Variants in HHLA2 observed in about 807,000 individuals in gnomAD.
HHLA2 encodes HHLA2 member of B7 family, also known as HERV-H LTR-associating protein 2.
HHLA2 carries 48 observed loss-of-function variants against 45.9 expected under a neutral mutation model. That is an observed-to-expected ratio of 1.05 (90% CI 0.83 to 1.33). The LOEUF (loss-of-function observed/expected upper bound fraction) is 1.33. Ranked by LOEUF, HHLA2 falls within the 40% of genes most tolerant of loss-of-function variation. HHLA2 has a pLI of 0.00. For synonymous variants in HHLA2, 161 were observed against 173.9 expected (o/e 0.93, Z 0.59); for missense variants, 462 against 494.3 (o/e 0.93, Z 0.62).
At chr3:108,351,717 T>A in intron 3 of HHLA2, 71 bp from the exon 3 acceptor site, 2 of 865,822 alleles carry the variant, frequency 2.3e-6, no homozygotes, top group Non-Finnish European at 3.7e-6. Context: ...TTTGTATGAA[T>A]GTACCACTCT....
At chr3:108,322,548 C>T (rs1184775806) in intron 2 of HHLA2, among the ~76,000 whole-genome samples, 5 of 152,166 alleles carry the variant, frequency 3.3e-5, no homozygotes, top group African/African-American at 1.2e-4. Flanking sequence ...GCTGGTGCTG[C>T]CCCCTGGACA....
At chr3:108,313,407 A>T (rs1190237811) in intron 2 of HHLA2, among the ~76,000 whole-genome samples, 2 of 152,162 alleles carry the variant, frequency 1.3e-5, no homozygotes, top group Admixed American at 6.6e-5. Context: ...GAACATTAGT[A>T]AATATGTTTC....
intron 3 of HHLA2, among the ~76,000 whole-genome samples, chr3:108,345,256 G>T (rs1224374320): frequency 2.0e-5 from 3 of 152,310 alleles, no homozygotes; most frequent in Non-Finnish European, 4.4e-5. Flanking sequence ...CACTGGGGCA[G>T]GGAGTTGCAA....
chr3:108,374,034 C>A (rs1251519789), intron 8 of HHLA2, among the ~76,000 whole-genome samples: 4 of 150,414 alleles, frequency 2.7e-5, no homozygotes, highest in African/African-American at 9.7e-5. Context: ...AATCCTAAGC[C>A]AAAAGAACAA....
intron 3 of HHLA2, among the ~76,000 whole-genome samples, chr3:108,337,295 G>A (rs962365363): frequency 1.3e-5 from 2 of 152,112 alleles, no homozygotes; most frequent in Middle Eastern, 3.2e-3. Flanking sequence ...GTCCATGACA[G>A]ATTAGAAACA....
At chr3:108,358,435 G>A (rs748290068) in intron 7 of HHLA2, among the ~76,000 whole-genome samples, 12 of 152,094 alleles carry the variant, frequency 7.9e-5, no homozygotes, top group African/African-American at 1.4e-4. Context: ...GACTCCATGC[G>A]CTGAGCATCT....
chr3:108,348,614 A>C (rs781124340), intron 3 of HHLA2, among the ~76,000 whole-genome samples: 29 of 151,810 alleles, frequency 1.9e-4, no homozygotes, highest in Non-Finnish European at 3.5e-4. Flanking sequence ...CTGATGATGT[A>C]GTAGAAAGGA....
At chr3:108,357,762 T>C in intron 6 of HHLA2, 82 bp from the exon 6 acceptor site, 1 of 1,163,080 alleles carries the variant, frequency 8.6e-7, no homozygotes, top group Admixed American at 2.3e-5. Flanking sequence ...GTGCCTTTGT[T>C]CTCTGCTTTC....
intron 3 of HHLA2, among the ~76,000 whole-genome samples, chr3:108,346,800 A>C (rs1283188610): frequency 6.6e-6 from 1 of 152,234 alleles, no homozygotes; most frequent in Admixed American, 6.5e-5. Context: ...TGTTTGCATC[A>C]TCATGTCACA....
chr3:108,360,418 A>G (rs76085763), intron 7 of HHLA2, among the ~76,000 whole-genome samples: 2,143 of 152,308 alleles, frequency 0.014, 60 homozygotes, highest in African/African-American at 0.049. Context: ...ATGATTTTTC[A>G]TAAGTCAAGG....
chr3:108,346,481 G>A (rs1183190234), intron 3 of HHLA2, among the ~76,000 whole-genome samples: 1 of 152,156 alleles, frequency 6.6e-6, no homozygotes, highest in South Asian at 2.1e-4. Context: ...CAATGCAGAG[G>A]AGAATGTAGC....
intron 9 of HHLA2, among the ~76,000 whole-genome samples, chr3:108,376,069 T>C (rs900683707): frequency 1.3e-5 from 2 of 152,240 alleles, no homozygotes; most frequent in African/African-American, 4.8e-5. Context: ...TTTTAAAATG[T>C]ACTTTGTCTA....
chr3:108,365,918 A>T (rs2082055952), intron 8 of HHLA2, among the ~76,000 whole-genome samples: 1 of 152,180 alleles, frequency 6.6e-6, no homozygotes, highest in Non-Finnish European at 1.5e-5. Context: ...ATACAATGAC[A>T]TCATCTGCAA....
chr3:108,355,271 C>A, exon 6 of HHLA2: 1 of 1,613,886 alleles, frequency 6.2e-7, no homozygotes, highest in Non-Finnish European at 8.5e-7. Flanking sequence ...TCTTTGGATT[C>A]TTTTTCTATT....
At chr3:108,324,570 C>A (rs56104847) in intron 2 of HHLA2, among the ~76,000 whole-genome samples, 10,341 of 152,258 alleles carry the variant, frequency 0.068, 483 homozygotes, top group Non-Finnish European at 0.092. Flanking sequence ...CAAGTCACTA[C>A]CTTCTCTGTC....
At chr3:108,317,143 A>T (rs1311472038) in intron 2 of HHLA2, among the ~76,000 whole-genome samples, 1 of 152,240 alleles carries the variant, frequency 6.6e-6, no homozygotes, top group Non-Finnish European at 1.5e-5. Flanking sequence ...TACCTGGAAG[A>T]AGGGGAACCT....
chr3:108,354,975 T>C, intron 5 of HHLA2, 140 bp from the exon 5 acceptor site: 1 of 795,950 alleles, frequency 1.3e-6, no homozygotes, highest in Non-Finnish European at 1.9e-6. Flanking sequence ...GTTGGTTTGT[T>C]TTCCCTTTCA....
At chr3:108,341,271 T>G (rs1185579437) in intron 3 of HHLA2, among the ~76,000 whole-genome samples, 1 of 152,168 alleles carries the variant, frequency 6.6e-6, no homozygotes, top group Non-Finnish European at 1.5e-5. Context: ...TTTTCTTGTA[T>G]AAAAGAAAAT....
intron 3 of HHLA2, among the ~76,000 whole-genome samples, chr3:108,335,484 A>T (rs2081457305): frequency 6.6e-6 from 1 of 152,190 alleles, no homozygotes; most frequent in Non-Finnish European, 1.5e-5. Context: ...AAAGCCTCCC[A>T]TTAGGTAGAA....
Sources: gnomAD v4.1 joint callset for allele counts (sites outside exome capture counted in the v4.1 genomes callset) on GRCh38, gnomAD v4.1.1 for gene constraint, MANE v1.5 for transcripts, NCBI Gene and HGNC (gene_info 2026-07-23, HGNC 2026-07-21) for gene names.